The following PIEZO1 variants were observed in gnomAD, a reference collection of about 807,000 sequenced individuals.
PIEZO1 encodes piezo-type mechanosensitive ion channel component 1.
Under a neutral mutation model 297.2 loss-of-function variants are expected in PIEZO1, and 296 were observed. The ratio of observed to expected loss-of-function variants is 1.00; its 90% CI spans 0.91 to 1.10. The LOEUF (loss-of-function observed/expected upper bound fraction) is 1.10, where lower values mean the gene tolerates loss of function less well. PIEZO1 is among the 50% of genes least tolerant of loss of function. The probability of loss-of-function intolerance (pLI) is 0.00; values close to 1 mark genes in which losing one functional copy is unlikely to be tolerated. For missense variants in PIEZO1, 5,018 were observed against 3,455.5 expected, an observed-to-expected ratio of 1.45 and a Z score of -11.34; for synonymous variants, 2,427 against 1,507.5, an observed-to-expected ratio of 1.61 and a Z score of -14.13.
chr16:88,716,815 G>T lies in PIEZO1; in HGVS notation c.6744C>A (p.Asp2248Glu). ...GGCAGAGGCCACTTACCGGCTGGGG[G>T]TCAAACTGCCGGGACAGCTCCTCAT... The part of the protein sequence containing the change: ...QAYEELSRQF[D>E]PQPLAMQFIS... The change falls in exon 46 of 51, where the codon GAC (aspartate) becomes GAA (glutamate). Residue 2248 changes from aspartate (D) to glutamate (E), a missense_variant. Physicochemically the swap from Asp to Glu is conservative, Grantham distance 45 (BLOSUM62 2). Transcript: ENST00000301015. The T allele has an allele frequency of 6.5e-7, 1 of 1,550,062 alleles. No individual in the cohort carries two copies. Among genetic ancestry groups the T allele is most frequent in the East Asian group, 2.4e-5 (1 of 40,926 alleles).
At position 88,717,039 on chromosome 16, in the gene PIEZO1, T is replaced by A. The variant is rs1200410001; in HGVS notation, c.6644A>T (p.Lys2215Met). 6.4e-7 allele frequency: 1 copy of A among 1,550,640 alleles called. No individual in the cohort carries two copies. The highest frequency in any genetic ancestry group is 8.7e-7 in the Non-Finnish European group (1 of 1,146,996). The part of the protein sequence containing the change: ...NQPIDVTVTL[K>M]LGGYEPLFTM... ...CATGCTCACCTCATAGCCGCCCAGC[T>A]TCAGGGTGACGGTGACATCGATGGG... The change falls in exon 45 of 51, where the codon AAG becomes ATG. Residue 2215 changes from lysine to methionine, a missense_variant. Coordinates refer to ENST00000301015, the MANE Select transcript of PIEZO1 (RefSeq NM_001142864.4).
At chr16:88,735,368 C>G in intron 12 of PIEZO1, 122 bp from the exon 13 acceptor site, 1 of 688,596 alleles carries the variant, frequency 1.5e-6, no homozygotes, top group Non-Finnish European at 2.6e-6. Context: ...ACCAGCCCAT[C>G]CACCGCAGCC....
At chr16:88,737,514 C>T in intron 10 of PIEZO1, 45 bp downstream of exon 10, 1 of 1,352,032 alleles carries the variant, frequency 7.4e-7, no homozygotes, top group Non-Finnish European at 1.0e-6. Context: ...CGGCCTCCGC[C>T]CCGCCCCCCG....
Position 88,736,171 on chromosome 16 carries a change from G to T in PIEZO1, c.1534C>A (p.Pro512Thr), listed in dbSNP as rs763516197. 30 of 1,548,294 alleles carry T rather than the reference G, an allele frequency of 1.9e-5. No individual in the cohort carries two copies. The highest frequency in any genetic ancestry group is 2.2e-5 in the Non-Finnish European group (25 of 1,146,310). Reference sequence around the variant, plus strand: ...ACCATGGCACCAAGGTCCAGACAGGGGTAGCGGGTGTGCTCCAGCCCCAGC... The same window carrying T: ...ACCATGGCACCAAGGTCCAGACAGGTGTAGCGGGTGTGCTCCAGCCCCAGC... Reference protein sequence around the residue: ...RQLGLEHTRYPCLDLGAMLLY... With the variant: ...RQLGLEHTRYTCLDLGAMLLY... Residue 512 changes from proline (P) to threonine (T), a missense_variant, in exon 12 of 51, where the codon CCC (proline) becomes ACC (threonine). Coordinates refer to ENST00000301015, the MANE Select transcript of PIEZO1 (RefSeq NM_001142864.4).
intron 1 of PIEZO1, among the ~76,000 whole-genome samples, chr16:88,758,917 A>G (rs1472518106): frequency 1.3e-5 from 2 of 152,220 alleles, no homozygotes; most frequent in Non-Finnish European, 2.9e-5. Flanking sequence ...GACGCCTACC[A>G]TTCCTTTTGT....
At chr16:88,757,314 G>GC (rs1906713212) in intron 1 of PIEZO1, among the ~76,000 whole-genome samples, 6 of 73,386 alleles carry the variant, frequency 8.2e-5, no homozygotes, top group Middle Eastern at 6.5e-3. Context: ...AGGGGGCGTT[G>GC]CTGGCGGGGG....
chr16:88,746,858 C>T (rs1176420607), intron 2 of PIEZO1, among the ~76,000 whole-genome samples: 8 of 152,182 alleles, frequency 5.3e-5, no homozygotes, highest in Admixed American at 2.0e-4. Flanking sequence ...ACGGAACAAA[C>T]GGCGAAACGC....
At position 88,737,915 on chromosome 16, in the gene PIEZO1, A is replaced by G. The variant is rs1485929196; in HGVS notation, c.1020+19T>C. Reference sequence around the variant, plus strand: ...ATGGCCTGGCCTCAGCCCACCCACCATGGGTGGCAGGTGCTCACCTGGCCG... The same window carrying G: ...ATGGCCTGGCCTCAGCCCACCCACCGTGGGTGGCAGGTGCTCACCTGGCCG... On this transcript the variant is annotated intron_variant, in intron 8 of 50. Coordinates refer to ENST00000301015, the MANE Select transcript of PIEZO1 (RefSeq NM_001142864.4). 1.4e-5 allele frequency: 22 copies of G among 1,529,038 alleles called. 1 individual carries two copies. The highest frequency in any genetic ancestry group is 1.7e-4 in the Middle Eastern group (1 of 5,986). The allele number at this position is 1,529,038 out of a possible 1,614,324, so 94.7% of individuals were successfully genotyped here.
rs977657640 is a variant in PIEZO1 at position 88,733,700 on chromosome 16, G to A, written c.2375C>T (p.Ala792Val). Residue 792 changes from alanine to valine, a missense_variant, in exon 18 of 51, where the codon GCA (alanine) becomes GTA (valine). Transcript: ENST00000301015. ...GLVAERLLELAAGFSDVLSRV... is the reference protein window; with the variant it reads ...GLVAERLLELVAGFSDVLSRV... ...TGAGAGGACGTCCGAGAAGCCGGCT[G>A]CCAGCTCCAGCAGCCGCTCAGCCAC... 1.3e-6 allele frequency: 2 copies of A among 1,548,862 alleles called. No individual in the cohort carries two copies.
chr16:88,737,044 G>A (rs1905267612), intron 10 of PIEZO1: 2 of 306,412 alleles, frequency 6.5e-6, no homozygotes, highest in South Asian at 6.3e-5. Context: ...CCAGGGCCGT[G>A]GCTTCATTTG....
In PIEZO1 at chr16:88,733,289, T is replaced by C; in HGVS notation, c.2653A>G (p.Asn885Asp). 6.5e-7 allele frequency: 1 copy of C among 1,542,132 alleles called. No individual in the cohort carries two copies. Among genetic ancestry groups the C allele is most frequent in the Non-Finnish European group, 8.8e-7 (1 of 1,140,088 alleles). The change falls in exon 19 of 51, where the codon AAC becomes GAC. Residue 885 changes from asparagine (N) to aspartate (D), a missense_variant. By Grantham distance (23) the Asn-to-Asp change is conservative (BLOSUM62 1). Transcript: ENST00000301015. ...KVVNPQEYSSNCTEPFPNSTN... is the reference protein window; with the variant it reads ...KVVNPQEYSSDCTEPFPNSTN... ...TCGGGGGCCGGTACCTCGGTGCAGT[T>C]GCTGGAATACTCCTGGGGGTTGACA...
chr16:88,727,271 C>A (rs1263315864), intron 23 of PIEZO1, 79 bp from the exon 24 acceptor site: 3 of 1,413,668 alleles, frequency 2.1e-6, no homozygotes, highest in African/African-American at 1.4e-5. Flanking sequence ...CCACCTCCCA[C>A]CCCAGGCCTG....
chr16:88,731,998 AGCAGCCCTGCC>A, intron 21 of PIEZO1, 88 bp from the exon 22 acceptor site: 1 of 16,250 alleles, frequency 6.2e-5, no homozygotes, highest in Admixed American at 1.5e-3. Flanking sequence ...TCAGGCTTGC[AGCAGCCCTGCC>A]TGGAGGCTGC....
At chr16:88,743,678 C>T in intron 2 of PIEZO1, 1 of 456,414 alleles carries the variant, frequency 2.2e-6, no homozygotes, top group Non-Finnish European at 4.4e-6. Context: ...AGACTCATGA[C>T]CCACGTCCAA....
intron 1 of PIEZO1, among the ~76,000 whole-genome samples, chr16:88,755,614 G>A (rs1906616232): frequency 6.6e-6 from 1 of 152,232 alleles, no homozygotes; most frequent in South Asian, 2.1e-4. Flanking sequence ...CAACACACTT[G>A]CTCTGTCTGC....
At chr16:88,742,911 G>A in intron 2 of PIEZO1, 1 of 373,544 alleles carries the variant, frequency 2.7e-6, no homozygotes, top group Non-Finnish European at 5.4e-6. Flanking sequence ...AAGTGGGGCA[G>A]GCAGCTGCCT....
chr16:88,777,122 G>A (rs746343517), intron 1 of PIEZO1, among the ~76,000 whole-genome samples: 8 of 152,338 alleles, frequency 5.3e-5, no homozygotes, highest in Non-Finnish European at 1.0e-4. Flanking sequence ...ACAGATGCCT[G>A]TCACCATACC....
intron 30 of PIEZO1, among the ~76,000 whole-genome samples, 151 bp from the exon 31 acceptor site, chr16:88,724,122 G>C (rs529089074): frequency 6.6e-6 from 1 of 152,368 alleles, no homozygotes; most frequent in African/African-American, 2.4e-5. Context: ...CCAGCGCGGT[G>C]GGACAAGACA....
In PIEZO1 at chr16:88,715,402, GGGGGACGGCAGCGCCACGCAGGCCGT is replaced by G. The variant is rs1182932226; in HGVS notation, c.*177_*202del. ...AAAAAAAAAACTCTACAGTACACGT[GGGGGACGGCAGCGCCACGCAGGCCGT>G]GGGGACGCAGTGTCCTTCTCTGACA... is the stretch of plus-strand genomic sequence containing the variant. On this transcript the variant is annotated 3_prime_UTR_variant, in exon 51 of 51. Transcript: ENST00000301015. 6 of 999,834 alleles carry G rather than the reference GGGGGACGGCAGCGCCACGCAGGCCGT, an allele frequency of 6.0e-6. No individual in the cohort carries two copies. The highest frequency in any genetic ancestry group is 8.6e-6 in the Non-Finnish European group (6 of 694,724). The allele number at this position is 999,834 out of a possible 1,614,324, so 61.9% of individuals were successfully genotyped here.
Sources: gnomAD v4.1 joint callset for allele counts (sites outside exome capture counted in the v4.1 genomes callset) on GRCh38, gnomAD v4.1.1 for gene constraint, MANE v1.5 for transcripts, NCBI Gene and HGNC (gene_info 2026-07-23, HGNC 2026-07-21) for gene names.